TMEM232: variants seen among roughly 807,000 people sequenced by gnomAD.
TMEM232 encodes transmembrane protein 232.
In TMEM232, 80 loss-of-function variants were observed where a neutral mutation model predicts 78.8. That is an observed-to-expected ratio of 1.01 (90% CI 0.85 to 1.22). The LOEUF is 1.22. Ranked by LOEUF, TMEM232 falls within the 50% of genes most tolerant of loss-of-function variation. The probability of loss-of-function intolerance (pLI) is 0.00; values close to 1 mark genes in which losing one functional copy is unlikely to be tolerated. For synonymous variants in TMEM232, 297 were observed against 254.3 expected, an observed-to-expected ratio of 1.17 and a Z score of -1.60; for missense variants, 881 against 742.2, an observed-to-expected ratio of 1.19 and a Z score of -2.17.
intron 12 of TMEM232, among the ~76,000 whole-genome samples, chr5:110,468,343 C>A (rs1027594496): frequency 6.6e-6 from 1 of 151,704 alleles, no homozygotes; most frequent in Non-Finnish European, 1.5e-5. Context: ...TACTAGCAGA[C>A]CTTGATTAAA....
intron 12 of TMEM232, among the ~76,000 whole-genome samples, chr5:110,480,944 A>T (rs1484637566): frequency 6.6e-6 from 1 of 152,078 alleles, no homozygotes; most frequent in Non-Finnish European, 1.5e-5. Context: ...TTCATTTTAT[A>T]CTATAAATTA....
In TMEM232 at chr5:110,468,445, G is replaced by T. The variant is rs1468980504; in HGVS notation, c.1704-43529C>A. Among the ~76,000 whole-genome samples the T allele has an allele frequency of 2.6e-5, 4 of 151,476 alleles. No homozygotes were observed. The East Asian group carries it at 7.7e-4, about 29-fold the overall frequency. ...AAATGATGAACTAAGGTTGTTAGAG[G>T]GAAATTTATAGCCCTAAATAAAAGC... is the stretch of plus-strand genomic sequence containing the variant. On this transcript the variant is annotated intron_variant, in intron 12 of 13. Transcript: ENST00000455884.
intron 1 of TMEM232, among the ~76,000 whole-genome samples, chr5:110,716,478 T>G (rs1301977337): frequency 6.6e-6 from 1 of 152,124 alleles, no homozygotes; most frequent in Non-Finnish European, 1.5e-5. Context: ...CAGTGACAGA[T>G]CATCAGTCAT....
At chr5:110,653,428 C>G (rs1240898808) in intron 2 of TMEM232, among the ~76,000 whole-genome samples, 1 of 152,156 alleles carries the variant, frequency 6.6e-6, no homozygotes, top group African/African-American at 2.4e-5. Context: ...AAGCATTACT[C>G]TTTTTGGTGA....
Position 110,487,389 on chromosome 5 carries a change from G to A in TMEM232, c.1703+41199C>T, listed in dbSNP as rs539123636. Among the ~76,000 whole-genome samples, 3 of 152,076 alleles carry A rather than the reference G, an allele frequency of 2.0e-5. No homozygotes were observed. The South Asian group carries it at 6.2e-4, about 32-fold the overall frequency. ...GAGTGGGCATCCTTGTCTTGTTCCAGTTCTCAGAGGGAATGCTTTCAACTT... is the reference window on the plus strand; with the variant it reads ...GAGTGGGCATCCTTGTCTTGTTCCAATTCTCAGAGGGAATGCTTTCAACTT... On this transcript the variant is annotated intron_variant, in intron 12 of 13. Coordinates refer to ENST00000455884, the MANE Select transcript of TMEM232 (RefSeq NM_001039763.4).
At chr5:110,595,409 C>T (rs6875167) in intron 10 of TMEM232, among the ~76,000 whole-genome samples, 46,858 of 151,888 alleles carry the variant, frequency 0.31, 9,374 homozygotes, top group African/African-American at 0.58. Flanking sequence ...GGCACAAAAC[C>T]GTATGAAGAA....
chr5:110,683,561 A>C (rs1793024060), intron 1 of TMEM232, among the ~76,000 whole-genome samples: 1 of 151,918 alleles, frequency 6.6e-6, no homozygotes, highest in South Asian at 2.1e-4. Context: ...AAATCATTTT[A>C]ATTATTTTTA....
intron 12 of TMEM232, among the ~76,000 whole-genome samples, chr5:110,522,168 TTC>T (rs1345551593): frequency 6.6e-6 from 1 of 152,302 alleles, no homozygotes; most frequent in East Asian, 1.9e-4. Flanking sequence ...AAGTATTTTA[TTC>T]TTTTTCATAC....
In TMEM232 at chr5:110,625,260, T is replaced by C; in HGVS notation, c.768+7A>G. On this transcript the variant is annotated splice_region_variant and intron_variant, in intron 7 of 13. Coordinates refer to ENST00000455884, the MANE Select transcript of TMEM232 (RefSeq NM_001039763.4). Reference sequence around the variant, plus strand: ...ACAGGATATACCCACCATACCAGATTACTCACCATATCAGAATCTGTGTTC... The same window carrying C: ...ACAGGATATACCCACCATACCAGATCACTCACCATATCAGAATCTGTGTTC... 2 of 1,523,258 alleles carry C rather than the reference T, an allele frequency of 1.3e-6. No homozygotes were observed. Among genetic ancestry groups the C allele is most frequent in the Non-Finnish European group, 8.8e-7 (1 of 1,133,402 alleles). The allele number at this position is 1,523,258 out of a possible 1,614,324, so 94.4% of individuals were successfully genotyped here.
chr5:110,725,997 C>T (rs994671070), intron 1 of TMEM232, among the ~76,000 whole-genome samples: 2 of 151,990 alleles, frequency 1.3e-5, no homozygotes, highest in African/African-American at 2.4e-5. Context: ...TTACTACAGT[C>T]TTATCCCCTC....
chr5:110,645,115 A>T (rs1049751164), intron 2 of TMEM232, among the ~76,000 whole-genome samples: 1 of 151,720 alleles, frequency 6.6e-6, no homozygotes, highest in African/African-American at 2.4e-5. Flanking sequence ...AAAGCCCAGG[A>T]CCAGGTGGTT....
chr5:110,619,394 A>C (rs182604972), intron 7 of TMEM232, among the ~76,000 whole-genome samples: 2 of 152,164 alleles, frequency 1.3e-5, no homozygotes, highest in Non-Finnish European at 1.5e-5. Flanking sequence ...TTAAGCTAAG[A>C]TATTTTAAGT....
intron 2 of TMEM232, among the ~76,000 whole-genome samples, chr5:110,411,449 A>G (rs2112582872): frequency 6.6e-6 from 1 of 152,070 alleles, no homozygotes; most frequent in South Asian, 2.1e-4. Context: ...ATATCTTATT[A>G]TTTTTAATTG....
intron 10 of TMEM232, among the ~76,000 whole-genome samples, chr5:110,599,237 T>G (rs1780577712): frequency 6.6e-6 from 1 of 151,906 alleles, no homozygotes; most frequent in South Asian, 2.1e-4. Flanking sequence ...TAAAGACCAA[T>G]GACACTATGA....
chr5:110,708,912 A>G (rs1796202957), intron 1 of TMEM232, among the ~76,000 whole-genome samples: 1 of 152,084 alleles, frequency 6.6e-6, no homozygotes, highest in Admixed American at 6.6e-5. Flanking sequence ...AATGGGGTGA[A>G]CTCTTCAATA....
chr5:110,727,079 C>A (rs924202580), upstream of TMEM232, among the ~76,000 whole-genome samples: 2 of 152,068 alleles, frequency 1.3e-5, no homozygotes, highest in African/African-American at 4.8e-5. Flanking sequence ...CCTCAGCACC[C>A]GTCAGTGAGT....
chr5:110,453,026 G>A (rs1356616442), intron 12 of TMEM232, among the ~76,000 whole-genome samples: 2 of 152,148 alleles, frequency 1.3e-5, no homozygotes. Flanking sequence ...CCAAAAACTG[G>A]AGCTATTAGT....
chr5:110,425,398 C>T lies in TMEM232; in HGVS notation c.1704-482G>A, dbSNP rs192124937. Among the ~76,000 whole-genome samples, 731 of 152,020 alleles carry T rather than the reference C, an allele frequency of 4.8e-3. 5 individuals are homozygous for T. The highest frequency in any genetic ancestry group is 0.016 in the African/African-American group (675 of 41,482). On this transcript the variant is annotated intron_variant, in intron 12 of 13. Coordinates refer to ENST00000455884, the MANE Select transcript of TMEM232 (RefSeq NM_001039763.4). Reference sequence around the variant, plus strand: ...CACATAATTATTGTATTATTAAAGTCATTATGAAGAAATTGTGTGAATCCA... The same window carrying T: ...CACATAATTATTGTATTATTAAAGTTATTATGAAGAAATTGTGTGAATCCA...
intron 11 of TMEM232, among the ~76,000 whole-genome samples, chr5:110,547,340 G>A (rs1170094372): frequency 6.6e-6 from 1 of 152,140 alleles, no homozygotes; most frequent in Non-Finnish European, 1.5e-5. Context: ...ACTCAGTAAA[G>A]TTAGAAAATC....
Sources: allele counts gnomAD v4.1 joint callset (sites outside exome capture counted in the v4.1 genomes callset), GRCh38; gene constraint gnomAD v4.1.1; transcripts MANE v1.5; gene names NCBI Gene and HGNC (gene_info 2026-07-23, HGNC 2026-07-21).